Variants in UPP2 observed in about 807,000 individuals in gnomAD.
UPP2 encodes uridine phosphorylase 2.
UPP2 carries 23 observed loss-of-function variants against 26.7 expected under a neutral mutation model. The observed-to-expected ratio is 0.86, with a 90% CI of 0.62 to 1.22. The LOEUF (loss-of-function observed/expected upper bound fraction) is 1.22. Ranked by LOEUF, UPP2 falls within the 50% of genes most tolerant of loss-of-function variation. The pLI is 0.00. For synonymous variants in UPP2, 127 were observed against 141.3 expected (o/e 0.90, Z 0.72); for missense variants, 387 against 396.7 (o/e 0.98, Z 0.21).
At chr2:158,046,360 T>C (rs1286408078) in intron 3 of UPP2, among the ~76,000 whole-genome samples, 1 of 152,228 alleles carries the variant, frequency 6.6e-6, no homozygotes, top group Admixed American at 6.5e-5. Context: ...GCTCTTTAAA[T>C]CATAACCTAC....
intron 2 of UPP2, among the ~76,000 whole-genome samples, chr2:158,012,531 G>T (rs1318706528): frequency 6.6e-6 from 1 of 152,036 alleles, no homozygotes; most frequent in African/African-American, 2.4e-5. Flanking sequence ...GCCTGCCAAA[G>T]TGCTGGGATT....
intron 1 of UPP2, among the ~76,000 whole-genome samples, chr2:158,104,307 T>C (rs760324115): frequency 7.2e-5 from 11 of 151,992 alleles, no homozygotes; most frequent in Non-Finnish European, 1.6e-4. Flanking sequence ...AATATTTGAA[T>C]TGGACCATAA....
chr2:158,129,015 C>A (rs541499494), intron 6 of UPP2, among the ~76,000 whole-genome samples: 1 of 152,110 alleles, frequency 6.6e-6, no homozygotes, highest in South Asian at 2.1e-4. Flanking sequence ...ACAAAGGTGT[C>A]TTTTTGCTTT....
At chr2:158,067,660 T>G (rs1399763925) in intron 3 of UPP2, among the ~76,000 whole-genome samples, 1 of 152,134 alleles carries the variant, frequency 6.6e-6, no homozygotes, top group Middle Eastern at 3.2e-3. Flanking sequence ...CATGCCCATT[T>G]TTTTATTTCA....
intron 3 of UPP2, among the ~76,000 whole-genome samples, chr2:158,042,139 C>T (rs1421634177): frequency 6.6e-6 from 1 of 152,136 alleles, no homozygotes; most frequent in African/African-American, 2.4e-5. Flanking sequence ...CACAGGTGCG[C>T]CAGGCATAGA....
intron 3 of UPP2, among the ~76,000 whole-genome samples, chr2:158,032,652 G>A (rs1238408894): frequency 6.6e-6 from 1 of 152,064 alleles, no homozygotes; most frequent in Non-Finnish European, 1.5e-5. Context: ...GCTACGGGGA[G>A]CATTGTGAAC....
chr2:158,048,363 T>C (rs988898351), intron 3 of UPP2, among the ~76,000 whole-genome samples: 7 of 152,194 alleles, frequency 4.6e-5, no homozygotes, highest in African/African-American at 1.2e-4. Flanking sequence ...CCCAGCACTT[T>C]GGGAGGTCAA....
intron 2 of UPP2, among the ~76,000 whole-genome samples, chr2:158,010,998 C>A (rs1683567901): frequency 6.6e-6 from 1 of 151,990 alleles, no homozygotes. Flanking sequence ...ACTCCTGACT[C>A]AAATGATCCA....
At chr2:158,101,768 G>C (rs940293626), upstream of UPP2, 1 of 1,013,798 alleles carries the variant, frequency 9.9e-7, no homozygotes, top group Admixed American at 4.6e-5. Flanking sequence ...CCTGGTCAAA[G>C]AGCTAGGATG....
Position 158,117,925 on chromosome 2 carries a change from A to C in UPP2, c.441A>C (p.Thr147=). 6.2e-7 allele frequency: 1 copy of C among 1,609,942 alleles called. No homozygotes were observed. Among genetic ancestry groups the C allele is most frequent in the Non-Finnish European group, 8.5e-7 (1 of 1,176,188 alleles). Residue 147 remains threonine (T), a synonymous_variant, in exon 4 of 7, where the codon ACA becomes ACC. Coordinates refer to ENST00000005756, the MANE Select transcript of UPP2 (RefSeq NM_173355.4). ...CCDVTIIRIG[T]SGGIGIAPGT... ...ATGTCACCATTATTAGAATCGGTACATCAGGGGGAATAGGTGAGACGGATT... is the reference window on the plus strand; with the variant it reads ...ATGTCACCATTATTAGAATCGGTACCTCAGGGGGAATAGGTGAGACGGATT...
At position 158,102,034 on chromosome 2, in the gene UPP2, T is replaced by G; in HGVS notation, c.-30T>G. On this transcript the variant is annotated 5_prime_UTR_variant, in exon 1 of 7. Transcript: ENST00000005756. The stretch of plus-strand genomic sequence containing the variant: ...CAATATCTCTCTTTCTTGACATCAA[T>G]TTAAGGTGACTTTTCACATAGTAGA... 1 of 1,608,172 alleles carries G rather than the reference T, an allele frequency of 6.2e-7. No individual in the cohort carries two copies. Among genetic ancestry groups the G allele is most frequent in the South Asian group, 1.1e-5 (1 of 90,458 alleles).
At chr2:158,091,109 G>T (rs1682905343) in intron 3 of UPP2, among the ~76,000 whole-genome samples, 2 of 152,154 alleles carry the variant, frequency 1.3e-5, no homozygotes, top group South Asian at 4.1e-4. Context: ...CTACCTACAT[G>T]GTACCAAAAT....
chr2:158,033,727 T>A (rs1683959892), intron 3 of UPP2, among the ~76,000 whole-genome samples: 1 of 152,178 alleles, frequency 6.6e-6, no homozygotes, highest in Non-Finnish European at 1.5e-5. Flanking sequence ...TCCAAGTAGT[T>A]TCTGTTATTA....
chr2:158,098,847 C>T, upstream of UPP2, among the ~76,000 whole-genome samples: 1 of 152,262 alleles, frequency 6.6e-6, no homozygotes, highest in East Asian at 1.9e-4. Flanking sequence ...GACTGGATAG[C>T]TAATAGAAAA....
chr2:158,083,654 T>G (rs1682764195), intron 3 of UPP2, among the ~76,000 whole-genome samples: 1 of 151,716 alleles, frequency 6.6e-6, no homozygotes, highest in Non-Finnish European at 1.5e-5. Flanking sequence ...TGCATACCTA[T>G]GAAACAAACC....
At chr2:158,082,111 C>T (rs988540539) in intron 3 of UPP2, among the ~76,000 whole-genome samples, 4 of 151,782 alleles carry the variant, frequency 2.6e-5, no homozygotes, top group African/African-American at 7.3e-5. Context: ...TTACCATGCC[C>T]GGGTAATTTT....
At chr2:158,030,286 A>C (rs1683904282) in intron 3 of UPP2, among the ~76,000 whole-genome samples, 1 of 152,232 alleles carries the variant, frequency 6.6e-6, no homozygotes. Context: ...TAGGTAGTAC[A>C]TGATTTTTAA....
At chr2:158,055,336 A>G (rs1293157887) in intron 3 of UPP2, among the ~76,000 whole-genome samples, 1 of 152,216 alleles carries the variant, frequency 6.6e-6, no homozygotes, top group African/African-American at 2.4e-5. Flanking sequence ...TCCATTCATA[A>G]GGGCAGAGCC....
At chr2:158,047,292 G>A (rs924052738) in intron 3 of UPP2, among the ~76,000 whole-genome samples, 1 of 152,184 alleles carries the variant, frequency 6.6e-6, no homozygotes, top group East Asian at 1.9e-4. Flanking sequence ...CCCATTTTAG[G>A]TGATGAAAAC....
Sources: gnomAD v4.1 joint callset for allele counts (sites outside exome capture counted in the v4.1 genomes callset) on GRCh38, gnomAD v4.1.1 for gene constraint, MANE v1.5 for transcripts, NCBI Gene and HGNC (gene_info 2026-07-23, HGNC 2026-07-21) for gene names.